Variants in CNN1 observed in about 807,000 individuals in gnomAD.
CNN1 encodes calponin 1.
A neutral mutation model predicts 35.3 loss-of-function variants in CNN1; 21 were observed. The ratio of observed to expected loss-of-function variants is 0.60; its 90% CI spans 0.42 to 0.86. The LOEUF (loss-of-function observed/expected upper bound fraction) is 0.86, where lower values mean the gene tolerates loss of function less well. CNN1 is among the 40% of genes least tolerant of loss of function. The pLI is 0.00. For synonymous variants in CNN1, 164 were observed against 161.8 expected (o/e 1.01, Z -0.10); for missense variants, 314 against 400.8 (o/e 0.78, Z 1.85).
chr19:11,540,157 G>T (rs1217938664), intron 1 of CNN1: 15 of 694,572 alleles, frequency 2.2e-5, no homozygotes, highest in African/African-American at 2.1e-4. Flanking sequence ...GGGGAGGGGG[G>T]GGACAGTGGA....
At position 11,546,342 on chromosome 19, in the gene CNN1, T is replaced by C. The variant is rs562975926; in HGVS notation, c.186-333T>C. ...AGCGGGAGTGGGGGACACCTTTCTT[T>C]CTTTTTTTTTTTTTTTTGAGACGGA... On this transcript the variant is annotated intron_variant, in intron 2 of 6. Coordinates refer to ENST00000252456, the MANE Select transcript of CNN1 (RefSeq NM_001299.6). Among the ~76,000 whole-genome samples the C allele has an allele frequency of 8.3e-4, 123 of 147,812 alleles. 1 individual carries two copies. Among genetic ancestry groups the C allele is most frequent in the African/African-American group, 3.0e-3 (118 of 38,714 alleles).
At chr19:11,547,948 G>A (rs753349106) in intron 5 of CNN1, 41 bp downstream of exon 5, 16 of 1,537,938 alleles carry the variant, frequency 1.0e-5, no homozygotes, top group Admixed American at 7.3e-5. Context: ...ATAGAGGCCA[G>A]GAGGGCACCC....
At chr19:11,547,326 G>A (rs1972611262) in intron 4 of CNN1, among the ~76,000 whole-genome samples, 1 of 151,964 alleles carries the variant, frequency 6.6e-6, no homozygotes, top group Admixed American at 6.6e-5. Context: ...GAACCCGGGA[G>A]GCGGAGTCTG....
chr19:11,546,358 T>C (rs76864693), intron 2 of CNN1, among the ~76,000 whole-genome samples: 1 of 151,236 alleles, frequency 6.6e-6, no homozygotes, highest in Non-Finnish European at 1.5e-5. Flanking sequence ...TTTTTTTTTT[T>C]TGAGACGGAG....
chr19:11,540,450 A>T (rs1401054635), intron 1 of CNN1: 1 of 152,776 alleles, frequency 6.5e-6, no homozygotes, highest in African/African-American at 2.4e-5. Flanking sequence ...CTGGGCCAAG[A>T]AAAGACAGCG....
chr19:11,546,912 G>C lies in CNN1; in HGVS notation c.333G>C (p.Leu111=). Reference sequence around the variant, plus strand: ...ACGACATTTTTGAGGCCAACGACCTGTTTGAGAACACCAACCATACACAGG... The same window carrying C: ...ACGACATTTTTGAGGCCAACGACCTCTTTGAGAACACCAACCATACACAGG... The part of the protein sequence containing the change: ...KPHDIFEAND[L]FENTNHTQVQ... The change falls in exon 4 of 7, where the codon CTG becomes CTC. Residue 111 remains leucine, a synonymous_variant. Transcript: ENST00000252456. 4 of 1,614,214 alleles carry C rather than the reference G, an allele frequency of 2.5e-6. No homozygotes were observed. In the South Asian group the frequency reaches 3.3e-5, roughly 13 times the overall value.
intron 1 of CNN1, chr19:11,539,703 T>G: frequency 1.4e-6 from 1 of 737,672 alleles, no homozygotes. Flanking sequence ...TCCTGCCCCA[T>G]TTGACAGAGG....
chr19:11,549,299 G>A lies in CNN1; in HGVS notation c.502-24G>A. 1.9e-6 allele frequency: 3 copies of A among 1,613,632 alleles called. No homozygotes were observed. Among genetic ancestry groups the A allele is most frequent in the East Asian group, 4.5e-5 (2 of 44,874 alleles). On this transcript the variant is annotated intron_variant, in intron 5 of 6. Coordinates refer to ENST00000252456, the MANE Select transcript of CNN1 (RefSeq NM_001299.6). This position sits in a 1 kb window ranked among gnomAD's most constrained non-coding sequence, Gnocchi z 5.2. Reference sequence around the variant, plus strand: ...CATGATGAGGTCTGTAATTATTGGTGTGATTCTCCTTCTGGCTTCCTAGAT... The same window carrying A: ...CATGATGAGGTCTGTAATTATTGGTATGATTCTCCTTCTGGCTTCCTAGAT...
At position 11,549,644 on chromosome 19, in the gene CNN1, G is replaced by C. The variant is rs781256615; in HGVS notation, c.743G>C (p.Gly248Ala). Residue 248 changes from glycine (G) to alanine (A), a missense_variant, in exon 7 of 7, where the codon GGC (glycine) becomes GCC (alanine). Gly to Ala is a moderately conservative substitution (Grantham distance 60, BLOSUM62 0). Transcript: ENST00000252456. This position sits in a 1 kb window ranked among gnomAD's most constrained non-coding sequence, Gnocchi z 5.2. Reference sequence around the variant, plus strand: ...ACGCTCAATGTCAGCCTGCAGATGGGCAGCAACAAGGGCGCCTCGCAGCGG... The same window carrying C: ...ACGCTCAATGTCAGCCTGCAGATGGCCAGCAACAAGGGCGCCTCGCAGCGG... The part of the protein sequence containing the change: ...CDTLNVSLQM[G>A]SNKGASQRGM... 4 of 1,613,704 alleles carry C rather than the reference G, an allele frequency of 2.5e-6. No individual in the cohort carries two copies. The African/African-American group carries it at 4.0e-5, about 16-fold the overall frequency.
At position 11,549,352 on chromosome 19, in the gene CNN1, G is replaced by C. The variant is rs796453066; in HGVS notation, c.531G>C (p.Gln177His). 1.2e-6 allele frequency: 2 copies of C among 1,614,168 alleles called. No homozygotes were observed. The highest frequency in any genetic ancestry group is 1.7e-6 in the Non-Finnish European group (2 of 1,180,028). Residue 177 changes from glutamine to histidine, a missense_variant, in exon 6 of 7, where the codon CAG becomes CAC. By Grantham distance (24) the Gln-to-His change is conservative. Coordinates refer to ENST00000252456, the MANE Select transcript of CNN1 (RefSeq NM_001299.6). The surrounding 1 kb of genome is among the most constrained non-coding windows in gnomAD (Gnocchi z 5.2). ...GCACCAACAAGTTTGCCAGCCAGCA[G>C]GGCATGACGGCCTATGGCACCCGGC... ...QMGTNKFASQ[Q>H]GMTAYGTRRH...
chr19:11,549,671 G>T lies in CNN1; in HGVS notation c.770G>T (p.Gly257Val). 1 of 1,614,162 alleles carries T rather than the reference G, an allele frequency of 6.2e-7. No homozygotes were observed. Among genetic ancestry groups the T allele is most frequent in the Non-Finnish European group, 8.5e-7 (1 of 1,179,998 alleles). ...MGSNKGASQRGMTVYGLPRQV... is the reference protein window; with the variant it reads ...MGSNKGASQRVMTVYGLPRQV... ...AGCAACAAGGGCGCCTCGCAGCGGG[G>T]CATGACGGTGTATGGGCTGCCACGC... is the stretch of plus-strand genomic sequence containing the variant. Residue 257 changes from glycine (G) to valine (V), a missense_variant, in exon 7 of 7, where the codon GGC becomes GTC. Physicochemically the swap from Gly to Val is moderately radical, Grantham distance 109 (BLOSUM62 -3). Coordinates refer to ENST00000252456, the MANE Select transcript of CNN1 (RefSeq NM_001299.6). The surrounding 1 kb of genome is among the most constrained non-coding windows in gnomAD (Gnocchi z 5.2).
At chr19:11,546,372 C>T (rs1176146142) in intron 2 of CNN1, among the ~76,000 whole-genome samples, 2 of 147,776 alleles carry the variant, frequency 1.4e-5, no homozygotes, top group African/African-American at 5.1e-5. Flanking sequence ...GACGGAGTCT[C>T]GCTCTGTCCC....
In CNN1 at chr19:11,538,872, G is replaced by A; in HGVS notation, c.-56G>A. On this transcript the variant is annotated 5_prime_UTR_variant, in exon 1 of 7. Transcript: ENST00000252456. ...GTGTGCAGACGGAACTTCAGCCGCTGCCTCTGTTCTCAGCGTCAGTGCCGC... is the reference window on the plus strand; with the variant it reads ...GTGTGCAGACGGAACTTCAGCCGCTACCTCTGTTCTCAGCGTCAGTGCCGC... 7.1e-7 allele frequency: 1 copy of A among 1,417,080 alleles called. No individual in the cohort carries two copies. Among genetic ancestry groups the A allele is most frequent in the Non-Finnish European group, 9.4e-7 (1 of 1,060,938 alleles). 87.8% of individuals were successfully genotyped at this position (1,417,080 alleles called of 1,614,324 possible).
chr19:11,544,799 A>T (rs1319743507), intron 2 of CNN1, among the ~76,000 whole-genome samples: 1 of 149,294 alleles, frequency 6.7e-6, no homozygotes, highest in Non-Finnish European at 1.5e-5. Flanking sequence ...CACTGTGCCC[A>T]GTTCTACAGA....
intron 1 of CNN1, chr19:11,539,210 A>T (rs1489220676): frequency 4.0e-5 from 51 of 1,273,868 alleles, no homozygotes; most frequent in Non-Finnish European, 5.1e-5. Flanking sequence ...AGCCACACAT[A>T]AACAGAGGGG....
chr19:11,547,408 C>G (rs1341761409), intron 4 of CNN1, among the ~76,000 whole-genome samples: 2 of 141,934 alleles, frequency 1.4e-5, no homozygotes, highest in South Asian at 4.5e-4. Flanking sequence ...AAAAAAAAAA[C>G]AAAAAACAAA....
At chr19:11,539,599 C>T (rs1159003898) in intron 1 of CNN1, 2 of 836,304 alleles carry the variant, frequency 2.4e-6, no homozygotes, top group Non-Finnish European at 3.3e-6. Flanking sequence ...GACTCACCCC[C>T]CATACACCAG....
intron 2 of CNN1, among the ~76,000 whole-genome samples, chr19:11,544,643 C>T (rs938778172): frequency 3.3e-5 from 5 of 151,392 alleles, no homozygotes; most frequent in Admixed American, 2.0e-4. Flanking sequence ...CACATCACCA[C>T]GCCCGGTGAA....
chr19:11,549,579 G>T lies in CNN1; in HGVS notation c.678G>T (p.Arg226=). The T allele has an allele frequency of 1.2e-6, 2 of 1,601,676 alleles. No individual in the cohort carries two copies. Among genetic ancestry groups the T allele is most frequent in the Non-Finnish European group, 1.7e-6 (2 of 1,170,890 alleles). ...GCATGACTGCGCCAGGGACCAAGCG[G>T]CAGATCTTCGAGCCGGGGCTGGGCA... is the stretch of plus-strand genomic sequence containing the variant. The part of the protein sequence containing the change: ...QAGMTAPGTK[R]QIFEPGLGME... Residue 226 remains arginine (R), a synonymous_variant, in exon 7 of 7, where the codon CGG becomes CGT. Coordinates refer to ENST00000252456, the MANE Select transcript of CNN1 (RefSeq NM_001299.6). This position sits in a 1 kb window ranked among gnomAD's most constrained non-coding sequence, Gnocchi z 5.2.
Sources: gnomAD v4.1 joint callset for allele counts (sites outside exome capture counted in the v4.1 genomes callset) on GRCh38, gnomAD v4.1.1 for gene constraint, Gnocchi (gnomAD v3.1) non-coding constraint, MANE v1.5 for transcripts, NCBI Gene and HGNC (gene_info 2026-07-23, HGNC 2026-07-21) for gene names.